EIF3B: variants seen among roughly 807,000 people sequenced by gnomAD.
The protein encoded by EIF3B is eukaryotic translation initiation factor 3 subunit B.
Under a neutral mutation model 104.6 loss-of-function variants are expected in EIF3B, and 10 were observed. The observed-to-expected ratio is 0.10, with a 90% CI of 0.06 to 0.16. EIF3B has a LOEUF of 0.16. EIF3B is among the 10% of genes least tolerant of loss of function. EIF3B has a pLI of 1.00. For synonymous variants in EIF3B, 542 were observed against 417.2 expected (o/e 1.30, Z -3.65); for missense variants, 1,014 against 1,087.9 (o/e 0.93, Z 0.96).
chr7:2,378,238 G>C (rs1173575788), intron 15 of EIF3B: 1 of 157,232 alleles, frequency 6.4e-6, no homozygotes, highest in African/African-American at 2.7e-5. Context: ...GTCGAGGAAG[G>C]AGAAGGCGCG....
intron 12 of EIF3B, chr7:2,373,931 TGCCTC>T: frequency 6.6e-6 from 1 of 152,396 alleles, no homozygotes; most frequent in South Asian, 2.1e-4. Context: ...GCCTGCCCCA[TGCCTC>T]TTTTTTGGAT....
intron 12 of EIF3B, 71 bp downstream of exon 12, chr7:2,372,866 T>G (rs539505706): frequency 6.4e-7 from 1 of 1,552,458 alleles, no homozygotes; most frequent in African/African-American, 1.4e-5. Flanking sequence ...TGCCCAACAG[T>G]GAGCATTTGA....
At position 2,374,613 on chromosome 7, in the gene EIF3B, G is replaced by A. The variant is rs756342194; in HGVS notation, c.1889+7G>A. 1 of 1,613,638 alleles carries A rather than the reference G, an allele frequency of 6.2e-7. No individual in the cohort carries two copies. Among genetic ancestry groups the A allele is most frequent in the East Asian group, 2.2e-5 (1 of 44,866 alleles). ...TGTTGGCGGGCCTGAGGAGGTAGGT[G>A]TCTGCGCTCTGAGCCTGTCCGCCCT... On this transcript the variant is annotated splice_region_variant and intron_variant, in intron 13 of 18. Coordinates refer to ENST00000360876, the MANE Select transcript of EIF3B (RefSeq NM_001037283.2).
At chr7:2,364,755 C>T (rs1779913316) in intron 6 of EIF3B, among the ~76,000 whole-genome samples, 1 of 152,204 alleles carries the variant, frequency 6.6e-6, no homozygotes, top group African/African-American at 2.4e-5. Flanking sequence ...GTTGAAATAA[C>T]ATGTCCCTTT....
chr7:2,362,326 G>T (rs145943919), intron 2 of EIF3B, among the ~76,000 whole-genome samples: 1 of 152,080 alleles, frequency 6.6e-6, no homozygotes, highest in African/African-American at 2.4e-5. Flanking sequence ...GTTTTAAAGC[G>T]TACAATTTAA....
rs551561961 is a variant in EIF3B, at chr7:2,366,696, G to A, written c.1356+105G>A. ...TAGAAGAGGAGGAGGAGGTTTCACAGATGCATAGGAAAGGCCTGTCTCCTG... is the reference window on the plus strand; with the variant it reads ...TAGAAGAGGAGGAGGAGGTTTCACAAATGCATAGGAAAGGCCTGTCTCCTG... On this transcript the variant is annotated intron_variant, in intron 8 of 18. Transcript: ENST00000360876. 30 of 1,331,886 alleles carry A rather than the reference G, an allele frequency of 2.3e-5. No homozygotes were observed. In the African/African-American group the frequency reaches 3.3e-4, roughly 15 times the overall value. 82.5% of individuals were successfully genotyped at this position (1,331,886 alleles called of 1,614,324 possible).
chr7:2,377,108 C>T (rs1293416441), intron 15 of EIF3B, 33 bp downstream of exon 15: 1 of 1,576,442 alleles, frequency 6.3e-7, no homozygotes, highest in East Asian at 2.3e-5. Context: ...GTGCAGGGCA[C>T]ATGGAGGCAA....
chr7:2,364,186 T>C, intron 5 of EIF3B, 186 bp from the exon 6 acceptor site: 1 of 559,612 alleles, frequency 1.8e-6, no homozygotes, highest in South Asian at 2.4e-5. Context: ...GGCATGAACC[T>C]GGGAGGTGGA....
rs892094288 is a variant in EIF3B, at chr7:2,375,380, T to C, written c.1890-9T>C. ...CCATGAAGCCTGACGGTCCTGTCTG[T>C]CTTTGCAGTATGAACGGTGCCTTAG... On this transcript the variant is annotated splice_polypyrimidine_tract_variant and intron_variant, in intron 13 of 18. Coordinates refer to ENST00000360876, the MANE Select transcript of EIF3B (RefSeq NM_001037283.2). 1 of 1,613,926 alleles carries C rather than the reference T, an allele frequency of 6.2e-7. No homozygotes were observed. The highest frequency in any genetic ancestry group is 1.3e-5 in the African/African-American group (1 of 74,932).
chr7:2,354,728 C>G (rs1197126444), upstream of EIF3B: 5 of 285,320 alleles, frequency 1.8e-5, no homozygotes, highest in African/African-American at 1.1e-4. Flanking sequence ...CGGGCGCGGT[C>G]TTGTGGATGC....
In EIF3B at chr7:2,362,774, G is replaced by C; in HGVS notation, c.812+10G>C. The C allele has an allele frequency of 6.2e-7, 1 of 1,614,120 alleles. No individual in the cohort carries two copies. The highest frequency in any genetic ancestry group is 8.5e-7 in the Non-Finnish European group (1 of 1,180,018). ...TTACGGATTTTGACAAGTGAGTTCA[G>C]ACTTGGCCACAAGGAAGTGGACGTT... On this transcript the variant is annotated intron_variant, in intron 3 of 18. Transcript: ENST00000360876.
chr7:2,366,913 C>G (rs1780056177), intron 8 of EIF3B, 86 bp from the exon 9 acceptor site: 1 of 1,425,988 alleles, frequency 7.0e-7, no homozygotes, highest in Non-Finnish European at 9.8e-7. Flanking sequence ...ACATCAGACT[C>G]TTGTTTCCTT....
chr7:2,357,706 A>T (rs1029232669), intron 1 of EIF3B, among the ~76,000 whole-genome samples: 2 of 152,162 alleles, frequency 1.3e-5, no homozygotes, highest in African/African-American at 4.8e-5. Flanking sequence ...CCGCTTGGGA[A>T]TCCATGAGCC....
rs1779312928 is a variant in EIF3B at position 2,354,998 on chromosome 7, C to T, written c.77C>T (p.Ala26Val). The T allele has an allele frequency of 9.4e-6, 11 of 1,175,842 alleles. No individual in the cohort carries two copies. The highest frequency in any genetic ancestry group is 1.2e-5 in the Non-Finnish European group (11 of 955,864). The allele number at this position is 1,175,842 out of a possible 1,614,324, so 72.8% of individuals were successfully genotyped here. The change falls in exon 1 of 19, where the codon GCC becomes GTC. Residue 26 changes from alanine (A) to valine (V), a missense_variant. Transcript: ENST00000360876. ...GAGCCCGGCCAGCAGCAGCCGGCCG[C>T]CGAGCCGCCGCCAGCCGAGGGGCTG... ...RAEPGQQQPA[A>V]EPPPAEGLLR... is the part of the protein sequence containing the mutation.
intron 4 of EIF3B, 64 bp from the exon 5 acceptor site, chr7:2,363,568 T>C: frequency 6.9e-7 from 1 of 1,444,788 alleles, no homozygotes; most frequent in Admixed American, 2.0e-5. Flanking sequence ...TTAAGAGCAA[T>C]AGTTGTGAAT....
intron 1 of EIF3B, among the ~76,000 whole-genome samples, chr7:2,359,106 T>C (rs940179366): frequency 1.3e-5 from 2 of 152,144 alleles, no homozygotes; most frequent in Non-Finnish European, 2.9e-5. Context: ...TCCAGTCTCC[T>C]AGTTTAAGTG....
chr7:2,371,716 A>T, intron 10 of EIF3B, 61 bp from the exon 11 acceptor site: 1 of 1,290,598 alleles, frequency 7.7e-7, no homozygotes, highest in Admixed American at 1.7e-5. Flanking sequence ...TCTTTGATTT[A>T]AACCTTTTCT....
intron 10 of EIF3B, among the ~76,000 whole-genome samples, chr7:2,370,441 A>G (rs1256086490): frequency 1.3e-5 from 2 of 152,104 alleles, no homozygotes; most frequent in African/African-American, 4.8e-5. Flanking sequence ...AGATTGCGCC[A>G]CTGCACCCCA....
At chr7:2,360,605 T>A (rs1779675908) in intron 1 of EIF3B, 105 bp from the exon 2 acceptor site, 2 of 923,612 alleles carry the variant, frequency 2.2e-6, no homozygotes, top group East Asian at 5.2e-5. Context: ...TGAAAGCATT[T>A]AGACAATTCA....
Sources: allele counts gnomAD v4.1 joint callset (sites outside exome capture counted in the v4.1 genomes callset), GRCh38; gene constraint gnomAD v4.1.1; transcripts MANE v1.5; gene names NCBI Gene and HGNC (gene_info 2026-07-23, HGNC 2026-07-21).